The following TMEM178B variants were observed in gnomAD, a reference collection of about 807,000 sequenced individuals.
The protein encoded by TMEM178B is transmembrane protein 178B.
Under a neutral mutation model 31.0 loss-of-function variants are expected in TMEM178B, and 5 were observed. That is an observed-to-expected ratio of 0.16 (90% CI 0.08 to 0.34). The LOEUF (loss-of-function observed/expected upper bound fraction) is 0.34, where lower values mean the gene tolerates loss of function less well. TMEM178B is among the 10% of genes least tolerant of loss of function. TMEM178B has a pLI of 1.00. For missense variants in TMEM178B, 275 were observed against 400.3 expected, an observed-to-expected ratio of 0.69 and a Z score of 2.67; for synonymous variants, 164 against 164.0, an observed-to-expected ratio of 1.00 and a Z score of 0.00.
intron 1 of TMEM178B, among the ~76,000 whole-genome samples, chr7:141,097,593 T>C (rs1452993241): frequency 1.3e-5 from 2 of 152,018 alleles, no homozygotes; most frequent in African/African-American, 4.8e-5. Context: ...TGACCCATTT[T>C]GGCCAATAGA....
chr7:141,137,255 T>C (rs916667665), intron 1 of TMEM178B, among the ~76,000 whole-genome samples: 2 of 152,202 alleles, frequency 1.3e-5, no homozygotes, highest in African/African-American at 4.8e-5. Flanking sequence ...AAGGGATACC[T>C]GCACCCCTAT....
intron 2 of TMEM178B, among the ~76,000 whole-genome samples, chr7:141,338,073 G>A (rs1196083153): frequency 1.3e-5 from 2 of 152,134 alleles, no homozygotes; most frequent in African/African-American, 4.8e-5. Flanking sequence ...TCCTGACCTC[G>A]TGATGCACCC....
At chr7:141,405,308 G>T (rs1218006636) in intron 2 of TMEM178B, among the ~76,000 whole-genome samples, 1 of 152,228 alleles carries the variant, frequency 6.6e-6, no homozygotes, top group Non-Finnish European at 1.5e-5. Context: ...CCAAGGGCTC[G>T]GCCTGGCTAG....
At chr7:141,200,296 C>A (rs1298748084) in intron 1 of TMEM178B, among the ~76,000 whole-genome samples, 1 of 151,924 alleles carries the variant, frequency 6.6e-6, no homozygotes, top group Non-Finnish European at 1.5e-5. Context: ...CTTAAGGGAG[C>A]TGTGGAATGC....
rs1272251714 is a variant in TMEM178B at position 141,471,640 on chromosome 7, A to C, written c.*854A>C. On this transcript the variant is annotated 3_prime_UTR_variant, in exon 4 of 4. Transcript: ENST00000565468. This position sits in a 1 kb window ranked among gnomAD's most constrained non-coding sequence, Gnocchi z 4.1. ...TCTACCTTTTAAATGGAAATACTGC[A>C]TTATGACTGTTGTCTCTCTTATCAC... 1 of 151,880 alleles carries C rather than the reference A, an allele frequency of 6.6e-6. No homozygotes were observed. The highest frequency in any genetic ancestry group is 2.4e-5 in the African/African-American group (1 of 41,220). 9.4% of individuals were successfully genotyped at this position (151,880 alleles called of 1,614,324 possible). A position where few individuals can be genotyped will look rare whatever the true frequency, so the allele number is the denominator to read the frequency against.
intron 2 of TMEM178B, among the ~76,000 whole-genome samples, chr7:141,360,497 GC>G (rs1411569973): frequency 1.3e-5 from 2 of 152,034 alleles, no homozygotes; most frequent in Non-Finnish European, 2.9e-5. Context: ...TTTTTTCCTC[GC>G]TCATTCCTTC....
chr7:141,140,041 C>T (rs1387542426), intron 1 of TMEM178B, among the ~76,000 whole-genome samples: 1 of 152,222 alleles, frequency 6.6e-6, no homozygotes, highest in Non-Finnish European at 1.5e-5. Flanking sequence ...GCTGGGATTA[C>T]AGGCACGAGC....
Position 141,417,496 on chromosome 7 carries a change from G to GTGAA in TMEM178B, c.497-20097_497-20094dup, listed in dbSNP as rs141189143. ...AGTGAATGAACAAATGAATGAGTCA[G>GTGAA]TGAATGAATGAATGAATGGGCACTA... On this transcript the variant is annotated intron_variant, in intron 2 of 3. Transcript: ENST00000565468. 8.7e-3 allele frequency among the ~76,000 whole-genome samples: 1,322 copies of GTGAA among 152,290 alleles called. 19 individuals are homozygous for GTGAA. Among genetic ancestry groups the GTGAA allele is most frequent in the African/African-American group, 0.03 (1,253 of 41,556 alleles).
At chr7:141,295,154 C>T (rs754816559) in intron 2 of TMEM178B, among the ~76,000 whole-genome samples, 10 of 152,166 alleles carry the variant, frequency 6.6e-5, no homozygotes, top group Admixed American at 1.3e-4. Flanking sequence ...TGCACCTGCA[C>T]GCTTGCTCTG....
At chr7:141,202,023 A>G (rs1472812965) in intron 1 of TMEM178B, among the ~76,000 whole-genome samples, 1 of 152,172 alleles carries the variant, frequency 6.6e-6, no homozygotes, top group Non-Finnish European at 1.5e-5. Flanking sequence ...CCTAATAGCT[A>G]TGCACTTTTG....
intron 1 of TMEM178B, among the ~76,000 whole-genome samples, chr7:141,207,384 A>C (rs1388571691): frequency 6.6e-6 from 1 of 152,236 alleles, no homozygotes; most frequent in Non-Finnish European, 1.5e-5. Flanking sequence ...CAGTGGCTGC[A>C]CTGATTTACA....
intron 2 of TMEM178B, among the ~76,000 whole-genome samples, chr7:141,246,195 C>T (rs1357122476): frequency 6.6e-6 from 1 of 152,144 alleles, no homozygotes; most frequent in South Asian, 2.1e-4. Flanking sequence ...CAAATGTGTC[C>T]ATTTTTTGTT....
In TMEM178B at chr7:141,212,707, A is replaced by G; in HGVS notation, c.496+3A>G. ...TCAGGATGAGTGGCATGCCCTACGT[A>G]AGTGCACCTGAGTCTCAGTGGCTGT... On this transcript the variant is annotated splice_donor_region_variant and intron_variant, in intron 2 of 3. Transcript: ENST00000565468. 2 of 1,534,710 alleles carry G rather than the reference A, an allele frequency of 1.3e-6. No individual in the cohort carries two copies. Among genetic ancestry groups the G allele is most frequent in the Non-Finnish European group, 8.7e-7 (1 of 1,145,644 alleles).
At chr7:141,336,078 A>C (rs1799381267) in intron 2 of TMEM178B, among the ~76,000 whole-genome samples, 1 of 152,190 alleles carries the variant, frequency 6.6e-6, no homozygotes, top group Admixed American at 6.5e-5. Context: ...AGTAATCGTC[A>C]CTTGCCACGG....
chr7:141,289,714 CAA>C (rs35000633), intron 2 of TMEM178B, among the ~76,000 whole-genome samples: 20 of 92,346 alleles, frequency 2.2e-4, no homozygotes, highest in Non-Finnish European at 3.0e-4. Context: ...GACCCTGTCT[CAA>C]AAAAAAAAAA....
At chr7:141,113,186 A>T (rs1439443136) in intron 1 of TMEM178B, among the ~76,000 whole-genome samples, 1 of 152,202 alleles carries the variant, frequency 6.6e-6, no homozygotes, top group African/African-American at 2.4e-5. Context: ...AAGTACTCAG[A>T]CTGGTGCTCT....
intron 1 of TMEM178B, among the ~76,000 whole-genome samples, chr7:141,123,210 T>C (rs1220292564): frequency 6.6e-6 from 1 of 152,214 alleles, no homozygotes; most frequent in Non-Finnish European, 1.5e-5. Flanking sequence ...GAAAAGAGAC[T>C]TTTGGAATCA....
At chr7:141,423,854 G>T (rs1177662573) in intron 2 of TMEM178B, among the ~76,000 whole-genome samples, 1 of 147,332 alleles carries the variant, frequency 6.8e-6, no homozygotes, top group East Asian at 2.0e-4. Flanking sequence ...TGTCACCCAG[G>T]CTGGAGTGTA....
chr7:141,195,359 C>T (rs2129185439), intron 1 of TMEM178B, among the ~76,000 whole-genome samples: 1 of 152,314 alleles, frequency 6.6e-6, no homozygotes, highest in Admixed American at 6.5e-5. Flanking sequence ...ACCAGATACC[C>T]TAAGTTATCT....
Sources: allele counts gnomAD v4.1 joint callset (sites outside exome capture counted in the v4.1 genomes callset), GRCh38; gene constraint gnomAD v4.1.1; non-coding constraint Gnocchi (gnomAD v3.1); transcripts MANE v1.5; gene names NCBI Gene and HGNC (gene_info 2026-07-23, HGNC 2026-07-21).